CIDEA: variants seen among roughly 807,000 people sequenced by gnomAD.
CIDEA encodes cell death inducing DFFA like effector a.
Under a neutral mutation model 18.2 loss-of-function variants are expected in CIDEA, and 10 were observed. The observed-to-expected ratio is 0.55, with a 90% CI of 0.34 to 0.93. The LOEUF (loss-of-function observed/expected upper bound fraction) is 0.93, where lower values mean the gene tolerates loss of function less well. CIDEA is among the 40% of genes least tolerant of loss of function. The pLI is 0.02. For synonymous variants in CIDEA, 128 were observed against 124.8 expected (o/e 1.03, Z -0.17); for missense variants, 309 against 293.1 (o/e 1.05, Z -0.40).
rs68102741 is a variant in CIDEA, at chr18:12,270,688, C to CAAAAAAAAAAAAAAAAAAAAAA, written c.331-3398_331-3377dup. On this transcript the variant is annotated intron_variant, in intron 3 of 4. Transcript: ENST00000320477. ...GGCGACAGAGCAAGACTCCGTCTCACAAAAAAAAAAAAAAAAAAAAAAAAA... is the reference window on the plus strand; with the variant it reads ...GGCGACAGAGCAAGACTCCGTCTCACAAAAAAAAAAAAAAAAAAAAAAAAAAAAAAAAAAAAAAAAAAAAAAA... 2.3e-4 allele frequency among the ~76,000 whole-genome samples: 17 copies of CAAAAAAAAAAAAAAAAAAAAAA among 72,804 alleles called. 1 individual carries two copies. Among genetic ancestry groups the CAAAAAAAAAAAAAAAAAAAAAA allele is most frequent in the African/African-American group, 1.3e-3 (16 of 11,928 alleles). The allele number at this position is 72,804 out of a possible 152,430, so 47.8% of individuals were successfully genotyped here.
At chr18:12,262,778 C>G in intron 1 of CIDEA, 47 bp from the exon 2 acceptor site, 1 of 1,567,120 alleles carries the variant, frequency 6.4e-7, no homozygotes. Context: ...CACACTTCTT[C>G]TGACAGACTC....
chr18:12,277,405 C>T lies in CIDEA; in HGVS notation c.*135C>T, dbSNP rs1352793359. ...GGTCACGCTGCTCAGGAGTGGTGCC[C>T]AGAAAAGGAAAGGGCTTGGTGGTAC... is the stretch of plus-strand genomic sequence containing the variant. On this transcript the variant is annotated 3_prime_UTR_variant, in exon 5 of 5. Coordinates refer to ENST00000320477, the MANE Select transcript of CIDEA (RefSeq NM_001279.4). 2 of 1,002,688 alleles carry T rather than the reference C, an allele frequency of 2.0e-6. No individual in the cohort carries two copies. The highest frequency in any genetic ancestry group is 5.4e-5 in the East Asian group (2 of 36,928). The allele number at this position is 1,002,688 out of a possible 1,614,324, so 62.1% of individuals were successfully genotyped here.
intron 4 of CIDEA, among the ~76,000 whole-genome samples, chr18:12,276,679 G>C (rs1012043864): frequency 9.9e-5 from 15 of 152,164 alleles, no homozygotes; most frequent in Non-Finnish European, 1.9e-4. Context: ...AGTCACTGCT[G>C]AATGTCCTGC....
At position 12,277,105 on chromosome 18, in the gene CIDEA, C is replaced by T. The variant is rs769243192; in HGVS notation, c.513-18C>T. 1.2e-6 allele frequency: 2 copies of T among 1,613,108 alleles called. No homozygotes were observed. The highest frequency in any genetic ancestry group is 1.7e-6 in the Non-Finnish European group (2 of 1,179,416). Reference sequence around the variant, plus strand: ...CCAAAATCCCAAGCTAAAGCCTCCCCATCTGCCTCTGCCACAGGAGTCTGC... The same window carrying T: ...CCAAAATCCCAAGCTAAAGCCTCCCTATCTGCCTCTGCCACAGGAGTCTGC... On this transcript the variant is annotated intron_variant, in intron 4 of 4. Transcript: ENST00000320477.
At chr18:12,276,384 T>C (rs1905334258) in intron 4 of CIDEA, among the ~76,000 whole-genome samples, 1 of 152,068 alleles carries the variant, frequency 6.6e-6, no homozygotes, top group Admixed American at 6.6e-5. Flanking sequence ...CTTCCAACTC[T>C]TGGACTCAAG....
intron 4 of CIDEA, among the ~76,000 whole-genome samples, chr18:12,276,781 C>T (rs1400011572): frequency 2.0e-5 from 3 of 152,198 alleles, no homozygotes; most frequent in African/African-American, 4.8e-5. Context: ...TGTGCGGGTG[C>T]GGCCATCTGC....
chr18:12,277,041 G>A, intron 4 of CIDEA, 82 bp from the exon 5 acceptor site: 3 of 1,499,656 alleles, frequency 2.0e-6, no homozygotes, highest in Non-Finnish European at 1.8e-6. Context: ...TTTTGGTGGG[G>A]GGAGTGAAGT....
At chr18:12,269,434 G>A (rs1278225037) in intron 3 of CIDEA, among the ~76,000 whole-genome samples, 1 of 152,170 alleles carries the variant, frequency 6.6e-6, no homozygotes, top group Non-Finnish European at 1.5e-5. Flanking sequence ...GTGAGTTGAG[G>A]TGTTTTCAGA....
Position 12,277,476 on chromosome 18 carries a change from A to G in CIDEA, c.*206A>G. 1 of 587,946 alleles carries G rather than the reference A, an allele frequency of 1.7e-6. No individual in the cohort carries two copies. Among genetic ancestry groups the G allele is most frequent in the Non-Finnish European group, 3.0e-6 (1 of 338,378 alleles). The allele number at this position is 587,946 out of a possible 1,614,324, so 36.4% of individuals were successfully genotyped here. On this transcript the variant is annotated 3_prime_UTR_variant, in exon 5 of 5. Coordinates refer to ENST00000320477, the MANE Select transcript of CIDEA (RefSeq NM_001279.4). Reference sequence around the variant, plus strand: ...AGGGTGCCCTGGGGGGGAGGCATAGAGGGCCCTGGGGGTCATGGGAAGCGA... The same window carrying G: ...AGGGTGCCCTGGGGGGGAGGCATAGGGGGCCCTGGGGGTCATGGGAAGCGA...
chr18:12,254,858 C>A (rs759060117), intron 1 of CIDEA: 4 of 1,331,640 alleles, frequency 3.0e-6, no homozygotes, highest in Non-Finnish European at 4.0e-6. Context: ...GAAATCACAA[C>A]GGGAGCTGGG....
intron 3 of CIDEA, among the ~76,000 whole-genome samples, chr18:12,268,506 G>A (rs1912424139): frequency 6.6e-6 from 1 of 150,404 alleles, no homozygotes; most frequent in African/African-American, 2.4e-5. Flanking sequence ...CCCCACCTCA[G>A]CCTCCCAAGT....
intron 3 of CIDEA, among the ~76,000 whole-genome samples, chr18:12,273,168 G>A (rs759651499): frequency 2.6e-5 from 4 of 152,166 alleles, no homozygotes; most frequent in Non-Finnish European, 4.4e-5. Context: ...GGCTGGCCAC[G>A]GCGAGGAGGG....
chr18:12,254,771 C>A, intron 1 of CIDEA: 1 of 1,383,422 alleles, frequency 7.2e-7, no homozygotes, highest in Non-Finnish European at 9.6e-7. Context: ...CAGTCGCGGG[C>A]GCAGAAGAGG....
chr18:12,255,254 A>G (rs1911997896), intron 1 of CIDEA, among the ~76,000 whole-genome samples: 1 of 152,260 alleles, frequency 6.6e-6, no homozygotes, highest in Non-Finnish European at 1.5e-5. Flanking sequence ...GGAAAAGGAT[A>G]GAGAACCATT....
chr18:12,267,054 C>G (rs535319254), intron 3 of CIDEA, among the ~76,000 whole-genome samples: 1 of 152,104 alleles, frequency 6.6e-6, no homozygotes, highest in African/African-American at 2.4e-5. Flanking sequence ...CCACCGCACC[C>G]GGCCGATTTT....
chr18:12,266,322 G>A (rs1391726229), intron 3 of CIDEA, among the ~76,000 whole-genome samples: 1 of 152,122 alleles, frequency 6.6e-6, no homozygotes, highest in Non-Finnish European at 1.5e-5. Flanking sequence ...TGGCGTAGTG[G>A]TGCATACCTC....
At chr18:12,263,983 C>A in intron 2 of CIDEA, 1 of 206,862 alleles carries the variant, frequency 4.8e-6, no homozygotes, top group Non-Finnish European at 9.6e-6. Context: ...GTACTTGTAG[C>A]CCCAGCTACT....
chr18:12,276,726 GC>G (rs1265422498), intron 4 of CIDEA, among the ~76,000 whole-genome samples: 4 of 152,322 alleles, frequency 2.6e-5, no homozygotes, highest in African/African-American at 9.6e-5. Context: ...CAGTAGCAGG[GC>G]CCCTAGAACA....
intron 4 of CIDEA, among the ~76,000 whole-genome samples, chr18:12,275,987 T>C (rs553677241): frequency 5.0e-5 from 4 of 79,700 alleles, no homozygotes; most frequent in African/African-American, 1.3e-4. Flanking sequence ...TTTTTCTTTT[T>C]CTTTTCTTAT....
Sources: allele counts gnomAD v4.1 joint callset (sites outside exome capture counted in the v4.1 genomes callset), GRCh38; gene constraint gnomAD v4.1.1; transcripts MANE v1.5; gene names NCBI Gene and HGNC (gene_info 2026-07-23, HGNC 2026-07-21).